Variants in TMEM19 observed in about 807,000 individuals in gnomAD.
The protein encoded by TMEM19 is transmembrane protein 19.
A neutral mutation model predicts 33.6 loss-of-function variants in TMEM19; 21 were observed. That is an observed-to-expected ratio of 0.62 (90% CI 0.44 to 0.90). The LOEUF (loss-of-function observed/expected upper bound fraction) is 0.90. TMEM19 is among the 40% of genes least tolerant of loss of function. TMEM19 has a pLI of 0.00. For missense variants in TMEM19, 402 were observed against 401.8 expected (o/e 1.00, Z 0.00); for synonymous variants, 149 against 147.5 (o/e 1.01, Z -0.07).
rs1214736486 is a variant in TMEM19, at chr12:71,703,035, G to A, written c.*2040G>A. ...TCTCTACTAAAAATACAAAAAATTAGGTGTGGTGGTGCGTGCCTGTATTCC... is the reference window on the plus strand; with the variant it reads ...TCTCTACTAAAAATACAAAAAATTAAGTGTGGTGGTGCGTGCCTGTATTCC... On this transcript the variant is annotated 3_prime_UTR_variant, in exon 6 of 6. Coordinates refer to ENST00000266673, the MANE Select transcript of TMEM19 (RefSeq NM_018279.4). The A allele has an allele frequency of 6.6e-5, 10 of 151,182 alleles. No individual in the cohort carries two copies. Among genetic ancestry groups the A allele is most frequent in the Admixed American group, 6.6e-4 (10 of 15,164 alleles). The allele number at this position is 151,182 out of a possible 1,614,324, so 9.4% of individuals were successfully genotyped here.
intron 5 of TMEM19, 181 bp downstream of exon 5, chr12:71,699,290 A>G: frequency 1.6e-6 from 1 of 643,480 alleles, no homozygotes; most frequent in Non-Finnish European, 2.7e-6. Context: ...AAATTAATTG[A>G]AAGAGAATTA....
intron 2 of TMEM19, among the ~76,000 whole-genome samples, chr12:71,692,493 TTC>T (rs1447405392): frequency 5.3e-5 from 8 of 152,346 alleles, no homozygotes; most frequent in Non-Finnish European, 1.0e-4. Context: ...TAATGAAGTA[TTC>T]TTATTGAATA....
At position 71,704,738 on chromosome 12, in the gene TMEM19, C is replaced by G. The variant is rs1882043183; in HGVS notation, c.*3743C>G. 2 of 152,180 alleles carry G rather than the reference C, an allele frequency of 1.3e-5. No homozygotes were observed. Among genetic ancestry groups the G allele is most frequent in the Admixed American group, 1.3e-4 (2 of 15,266 alleles). 9.4% of individuals were successfully genotyped at this position (152,180 alleles called of 1,614,324 possible). ...TCAGGAGGCTGAGGCGTGAGAATCA[C>G]TTGAACCCAGGAGGCAGAGGTTTCA... is the stretch of plus-strand genomic sequence containing the variant. On this transcript the variant is annotated 3_prime_UTR_variant, in exon 6 of 6. Coordinates refer to ENST00000266673, the MANE Select transcript of TMEM19 (RefSeq NM_018279.4).
chr12:71,703,219 A>AAAAAAAAAAAAAAAAAAAAAAAC lies in TMEM19; in HGVS notation c.*2231_*2232insAAAAAAAAAAAAAAACAAAAAAA, dbSNP rs1882014755. On this transcript the variant is annotated 3_prime_UTR_variant, in exon 6 of 6. Transcript: ENST00000266673. ...AAAAAAAAAAAAAAAAAAAAAAAAA[A>AAAAAAAAAAAAAAAAAAAAAAAC]AAAAAAAGAATATTCTAAGCACTAG... 1 of 139,460 alleles carries AAAAAAAAAAAAAAAAAAAAAAAC rather than the reference A, an allele frequency of 7.2e-6. No homozygotes were observed. The highest frequency in any genetic ancestry group is 1.5e-5 in the Non-Finnish European group (1 of 65,880). 8.6% of individuals were successfully genotyped at this position (139,460 alleles called of 1,614,324 possible).
At position 71,697,425 on chromosome 12, in the gene TMEM19, C is replaced by G. The variant is rs537227084; in HGVS notation, c.528C>G (p.Leu176=). ...CCGCTTCCTGGATGTGTTTGTCTCT[C>G]TTGGCTGCACTGGCCTGCTCTGCTG... ...QYSASWMCLS[L]LAALACSAGD... Residue 176 remains leucine, a synonymous_variant, in exon 4 of 6, where the codon CTC becomes CTG. Coordinates refer to ENST00000266673, the MANE Select transcript of TMEM19 (RefSeq NM_018279.4). 6.2e-7 allele frequency: 1 copy of G among 1,610,990 alleles called. No individual in the cohort carries two copies. Among genetic ancestry groups the G allele is most frequent in the South Asian group, 1.1e-5 (1 of 90,422 alleles).
intron 1 of TMEM19, among the ~76,000 whole-genome samples, chr12:71,688,859 A>G (rs1002083022): frequency 3.3e-5 from 5 of 152,198 alleles, no homozygotes; most frequent in African/African-American, 7.2e-5. Context: ...GGAATAATCA[A>G]TTTCTAACCA....
At chr12:71,691,693 G>A (rs1008506824) in intron 2 of TMEM19, among the ~76,000 whole-genome samples, 8 of 146,538 alleles carry the variant, frequency 5.5e-5, no homozygotes, top group African/African-American at 1.0e-4. Flanking sequence ...GAGGCTGATC[G>A]TGCCACTTCA....
Position 71,704,015 on chromosome 12 carries a change from A to T in TMEM19, c.*3020A>T. The T allele has an allele frequency of 2.2e-6, 1 of 454,108 alleles. No individual in the cohort carries two copies. Among genetic ancestry groups the T allele is most frequent in the Non-Finnish European group, 4.4e-6 (1 of 225,698 alleles). The allele number at this position is 454,108 out of a possible 1,614,324, so 28.1% of individuals were successfully genotyped here. On this transcript the variant is annotated 3_prime_UTR_variant, in exon 6 of 6. Transcript: ENST00000266673. Reference sequence around the variant, plus strand: ...TGTTAAAATCACTTTTCATGGAAAGAGCTCTATGTAACAGCATAATAAAAC... The same window carrying T: ...TGTTAAAATCACTTTTCATGGAAAGTGCTCTATGTAACAGCATAATAAAAC...
At chr12:71,700,214 G>T (rs572924352) in intron 5 of TMEM19, among the ~76,000 whole-genome samples, 1 of 152,128 alleles carries the variant, frequency 6.6e-6, no homozygotes, top group Non-Finnish European at 1.5e-5. Context: ...AACTCTACAC[G>T]CACACACAGA....
chr12:71,689,460 C>A (rs1881747379), intron 1 of TMEM19, 131 bp from the exon 2 acceptor site: 4 of 708,566 alleles, frequency 5.6e-6, no homozygotes, highest in Admixed American at 2.2e-5. Context: ...CTATATATTT[C>A]TTTGGTGACT....
chr12:71,696,707 C>A, intron 3 of TMEM19, 134 bp downstream of exon 3: 2 of 724,120 alleles, frequency 2.8e-6, no homozygotes, highest in South Asian at 2.8e-5. Flanking sequence ...AGTGCACTGG[C>A]GCAATCTCGG....
chr12:71,703,638 C>G lies in TMEM19; in HGVS notation c.*2643C>G, dbSNP rs1043781. The stretch of plus-strand genomic sequence containing the variant: ...TCAAAATTTTTGAGCTATTCAAAAA[C>G]TAATAGGATCTGTGTAAAATATTTC... On this transcript the variant is annotated 3_prime_UTR_variant, in exon 6 of 6. Transcript: ENST00000266673. 30,659 of 158,024 alleles carry G rather than the reference C, an allele frequency of 0.19. 3,369 individuals are homozygous for G. Among genetic ancestry groups the G allele is most frequent in the East Asian group, 0.38 (2,118 of 5,552 alleles). 9.8% of individuals were successfully genotyped at this position (158,024 alleles called of 1,614,324 possible). A position where few individuals can be genotyped will look rare whatever the true frequency, so the allele number is the denominator to read the frequency against.
chr12:71,691,898 T>C (rs1022715481), intron 2 of TMEM19, among the ~76,000 whole-genome samples: 3 of 152,198 alleles, frequency 2.0e-5, no homozygotes, highest in African/African-American at 7.2e-5. Flanking sequence ...GTTGTTTCTT[T>C]CCTGCTGCTA....
intron 2 of TMEM19, among the ~76,000 whole-genome samples, chr12:71,695,203 A>G (rs747669007): frequency 6.6e-6 from 1 of 152,242 alleles, no homozygotes; most frequent in Non-Finnish European, 1.5e-5. Flanking sequence ...ACTGCATGAA[A>G]GAAACCATTC....
At position 71,686,496 on chromosome 12, in the gene TMEM19, A is replaced by C. The variant is rs1342736517; in HGVS notation, c.-185A>C. 6 of 564,820 alleles carry C rather than the reference A, an allele frequency of 1.1e-5. No homozygotes were observed. In the East Asian group the frequency reaches 1.5e-4, roughly 15 times the overall value. The allele number at this position is 564,820 out of a possible 1,614,324, so 35.0% of individuals were successfully genotyped here. On this transcript the variant is annotated 5_prime_UTR_variant, in exon 1 of 6. Coordinates refer to ENST00000266673, the MANE Select transcript of TMEM19 (RefSeq NM_018279.4). ...CGTTGACCACGCCCATATGAATTGG[A>C]GCTCTCCGCCAGTAGGAGTTTCCGG...
In TMEM19 at chr12:71,704,101, A is replaced by G. The variant is rs1039079650; in HGVS notation, c.*3106A>G. 2.8e-5 allele frequency: 10 copies of G among 356,894 alleles called. No homozygotes were observed. Among genetic ancestry groups the G allele is most frequent in the East Asian group, 8.0e-5 (1 of 12,558 alleles). The allele number at this position is 356,894 out of a possible 1,614,324, so 22.1% of individuals were successfully genotyped here. A position where few individuals can be genotyped will look rare whatever the true frequency, so the allele number is the denominator to read the frequency against. ...ATCATACTGTTCCATGATAGAAGAG[A>G]GCAGATATATGTGGCTTGGGGCAGC... On this transcript the variant is annotated 3_prime_UTR_variant, in exon 6 of 6. Coordinates refer to ENST00000266673, the MANE Select transcript of TMEM19 (RefSeq NM_018279.4).
At position 71,697,325 on chromosome 12, in the gene TMEM19, C is replaced by A; in HGVS notation, c.428C>A (p.Pro143His). ...CAGGTGTTCTGTAATGGAGCTGTACCCACAGAACTGGCCCTGCTGTACATG... is the reference window on the plus strand; with the variant it reads ...CAGGTGTTCTGTAATGGAGCTGTACACACAGAACTGGCCCTGCTGTACATG... ...WVQVFCNGAV[P>H]TELALLYMIE... is the part of the protein sequence containing the mutation. The change falls in exon 4 of 6, where the codon CCC (proline) becomes CAC (histidine). Residue 143 changes from proline (P) to histidine (H), a missense_variant. Coordinates refer to ENST00000266673, the MANE Select transcript of TMEM19 (RefSeq NM_018279.4). 1 of 1,608,490 alleles carries A rather than the reference C, an allele frequency of 6.2e-7. No homozygotes were observed. Among genetic ancestry groups the A allele is most frequent in the Non-Finnish European group, 8.5e-7 (1 of 1,178,092 alleles).
At position 71,698,714 on chromosome 12, in the gene TMEM19, C is replaced by A. The variant is rs371761776; in HGVS notation, c.638-186C>A. ...CTGGCTTCATTGAACCATTCTGCTT[C>A]ATTGCTTAAAATGTCAAGAGTTACC... On this transcript the variant is annotated intron_variant, in intron 4 of 5. Transcript: ENST00000266673. Among the ~76,000 whole-genome samples the A allele has an allele frequency of 3.8e-4, 57 of 151,612 alleles. No homozygotes were observed. In the East Asian group the frequency reaches 5.5e-3, roughly 15 times the overall value.
intron 2 of TMEM19, among the ~76,000 whole-genome samples, chr12:71,695,053 C>T (rs1447303189): frequency 2.0e-5 from 3 of 152,136 alleles, no homozygotes; most frequent in Non-Finnish European, 4.4e-5. Context: ...GCCCTATTGT[C>T]ATATATATGA....
Sources: gnomAD v4.1 joint callset for allele counts (sites outside exome capture counted in the v4.1 genomes callset) on GRCh38, gnomAD v4.1.1 for gene constraint, MANE v1.5 for transcripts, NCBI Gene and HGNC (gene_info 2026-07-23, HGNC 2026-07-21) for gene names.